The following PLS1 variants were observed in gnomAD, a reference collection of about 807,000 sequenced individuals.
PLS1 encodes plastin 1.
PLS1 carries 32 observed loss-of-function variants against 73.7 expected under a neutral mutation model. That is an observed-to-expected ratio of 0.43 (90% CI 0.33 to 0.58). The LOEUF (loss-of-function observed/expected upper bound fraction) is 0.58. PLS1 is among the 20% of genes least tolerant of loss of function. The pLI is 0.04. For missense variants in PLS1, 633 were observed against 740.5 expected, an observed-to-expected ratio of 0.85 and a Z score of 1.68; for synonymous variants, 217 against 261.3, an observed-to-expected ratio of 0.83 and a Z score of 1.63.
At chr3:142,664,884 A>G (rs1356493317) in intron 2 of PLS1, among the ~76,000 whole-genome samples, 3 of 152,052 alleles carry the variant, frequency 2.0e-5, no homozygotes, top group Non-Finnish European at 4.4e-5. Context: ...TTTTTCTTCC[A>G]AAAAATTTTC....
intron 14 of PLS1, among the ~76,000 whole-genome samples, chr3:142,710,167 C>CTTT (rs201238880): frequency 2.3e-5 from 3 of 131,612 alleles, no homozygotes; most frequent in Non-Finnish European, 3.3e-5. Context: ...ATTCAGGACT[C>CTTT]TTTTTTTTTT....
chr3:142,611,277 T>C (rs533765415), intron 1 of PLS1, among the ~76,000 whole-genome samples: 2 of 152,240 alleles, frequency 1.3e-5, no homozygotes, highest in Non-Finnish European at 2.9e-5. Context: ...TGGTCTAGAA[T>C]GAGCTCTGTG....
At chr3:142,655,219 G>T (rs548951057) in intron 1 of PLS1, among the ~76,000 whole-genome samples, 4 of 152,176 alleles carry the variant, frequency 2.6e-5, no homozygotes, top group African/African-American at 9.6e-5. Context: ...GAAGTCTTAT[G>T]CCAATGGGAA....
At chr3:142,662,264 G>A (rs983693992) in intron 1 of PLS1, among the ~76,000 whole-genome samples, 1 of 152,120 alleles carries the variant, frequency 6.6e-6, no homozygotes, top group African/African-American at 2.4e-5. Context: ...GTCCTTGCAG[G>A]GACGTGGATG....
chr3:142,710,807 C>A (rs952239337), intron 14 of PLS1, among the ~76,000 whole-genome samples: 2 of 152,106 alleles, frequency 1.3e-5, no homozygotes, highest in Non-Finnish European at 2.9e-5. Flanking sequence ...TGTCTGATTT[C>A]ATCTGCAGTG....
At chr3:142,685,225 C>A (rs1413199212) in intron 8 of PLS1, among the ~76,000 whole-genome samples, 3 of 152,174 alleles carry the variant, frequency 2.0e-5, no homozygotes, top group East Asian at 1.9e-4. Context: ...ATTCTGAAAT[C>A]TCTGAAAATT....
chr3:142,603,958 G>A (rs1454155764), intron 1 of PLS1, among the ~76,000 whole-genome samples: 8 of 151,900 alleles, frequency 5.3e-5, no homozygotes, highest in African/African-American at 1.9e-4. Context: ...AAAAGCAAAA[G>A]GTTTTGGGGT....
At chr3:142,675,581 T>C (rs1165817141) in intron 4 of PLS1, among the ~76,000 whole-genome samples, 1 of 152,142 alleles carries the variant, frequency 6.6e-6, no homozygotes, top group Non-Finnish European at 1.5e-5. Flanking sequence ...GAGATGAGGT[T>C]TTAACATGTT....
chr3:142,649,620 A>G (rs2037039028), intron 1 of PLS1, among the ~76,000 whole-genome samples: 1 of 151,976 alleles, frequency 6.6e-6, no homozygotes, highest in Admixed American at 6.5e-5. Context: ...TCTGGGCAAC[A>G]GAGCGAGACT....
chr3:142,682,307 A>G (rs1560066552), intron 6 of PLS1, among the ~76,000 whole-genome samples: 1 of 152,174 alleles, frequency 6.6e-6, no homozygotes, highest in East Asian at 1.9e-4. Context: ...CCTGCAGTGA[A>G]AAATCAGACC....
intron 1 of PLS1, among the ~76,000 whole-genome samples, chr3:142,629,279 T>A (rs1983435): frequency 2.0e-4 from 30 of 151,734 alleles, no homozygotes; most frequent in African/African-American, 6.5e-4. Flanking sequence ...TTACTGCAAC[T>A]TCTGCCTCCT....
At chr3:142,606,691 G>T (rs1389850664) in intron 1 of PLS1, among the ~76,000 whole-genome samples, 5 of 152,058 alleles carry the variant, frequency 3.3e-5, no homozygotes, top group Admixed American at 3.3e-4. Flanking sequence ...AAATGGAATC[G>T]TATAATATGT....
chr3:142,629,155 A>T (rs2036496607), intron 1 of PLS1, among the ~76,000 whole-genome samples: 1 of 152,058 alleles, frequency 6.6e-6, no homozygotes, highest in South Asian at 2.1e-4. Context: ...AAAAATAGAG[A>T]TAACAACTGC....
At chr3:142,690,278 C>T (rs1018591038) in intron 10 of PLS1, among the ~76,000 whole-genome samples, 1 of 152,110 alleles carries the variant, frequency 6.6e-6, no homozygotes, top group African/African-American at 2.4e-5. Flanking sequence ...ATAATACTTT[C>T]CTGTTTTGCT....
intron 10 of PLS1, among the ~76,000 whole-genome samples, chr3:142,692,868 A>G (rs1161688093): frequency 1.3e-5 from 2 of 152,078 alleles, no homozygotes; most frequent in South Asian, 2.1e-4. Flanking sequence ...TGATAGATAG[A>G]GAAACAACTG....
chr3:142,692,275 G>T (rs2038100579), intron 10 of PLS1, among the ~76,000 whole-genome samples: 1 of 151,978 alleles, frequency 6.6e-6, no homozygotes. Flanking sequence ...ACGTCAAATT[G>T]AGCCTGCAAA....
chr3:142,711,992 G>A lies in PLS1; in HGVS notation c.1875G>A (p.Leu625=). 6.2e-7 allele frequency: 1 copy of A among 1,613,156 alleles called. No individual in the cohort carries two copies. The highest frequency in any genetic ancestry group is 8.5e-7 in the Non-Finnish European group (1 of 1,179,262). The stretch of plus-strand genomic sequence containing the variant: ...TTGCATGCTTAATGGGAAAAGGACT[G>A]AACAGAATAAAATAATCATTTCATA... ...TVFACLMGKG[L]NRIK Residue 625 remains leucine, a synonymous_variant, in exon 16 of 16, where the codon CTG becomes CTA. Coordinates refer to ENST00000457734, the MANE Select transcript of PLS1 (RefSeq NM_001145319.2).
At chr3:142,711,841 A>C in intron 15 of PLS1, 31 bp from the exon 16 acceptor site, 1 of 1,607,638 alleles carries the variant, frequency 6.2e-7, no homozygotes, top group Non-Finnish European at 8.5e-7. Flanking sequence ...CACAGTGGAT[A>C]ACACCAAGAT....
Position 142,650,293 on chromosome 3 carries a change from A to G in PLS1, c.-36-13909A>G, listed in dbSNP as rs538445265. Among the ~76,000 whole-genome samples, 4 of 131,676 alleles carry G rather than the reference A, an allele frequency of 3.0e-5. No individual in the cohort carries two copies. In the East Asian group the frequency reaches 8.9e-4, roughly 29 times the overall value. The allele number at this position is 131,676 out of a possible 152,430, so 86.4% of individuals were successfully genotyped here. Reference sequence around the variant, plus strand: ...GAGAGCAGTGGTGTGATCTCACCTCACTGCAACCTCTGCCTCTCAGGTTCA... The same window carrying G: ...GAGAGCAGTGGTGTGATCTCACCTCGCTGCAACCTCTGCCTCTCAGGTTCA... On this transcript the variant is annotated intron_variant, in intron 1 of 15. Transcript: ENST00000457734.
Sources: allele counts gnomAD v4.1 joint callset (sites outside exome capture counted in the v4.1 genomes callset), GRCh38; gene constraint gnomAD v4.1.1; transcripts MANE v1.5; gene names NCBI Gene and HGNC (gene_info 2026-07-23, HGNC 2026-07-21).